The following KCMF1 variants were observed in gnomAD, a reference collection of about 807,000 sequenced individuals.
KCMF1 encodes E3 ubiquitin-protein ligase KCMF1.
Under a neutral mutation model 41.1 loss-of-function variants are expected in KCMF1, and 3 were observed. The ratio of observed to expected loss-of-function variants is 0.07; its 90% CI spans 0.03 to 0.19. KCMF1 has a LOEUF of 0.19. Ranked by LOEUF, KCMF1 falls within the 10% of genes least tolerant of loss-of-function variation. The probability of loss-of-function intolerance (pLI) is 1.00; values close to 1 mark genes in which losing one functional copy is unlikely to be tolerated. For missense variants in KCMF1, 286 were observed against 488.9 expected (o/e 0.58, Z 3.91); for synonymous variants, 142 against 164.5 (o/e 0.86, Z 1.04).
At chr2:85,046,068 G>T (rs1221479097) in intron 4 of KCMF1, 36 bp from the exon 5 acceptor site, 2 of 1,556,796 alleles carry the variant, frequency 1.3e-6, no homozygotes, top group Admixed American at 2.0e-5. Flanking sequence ...TTCTTTCTGT[G>T]AAATACTTTC....
chr2:85,040,859 C>G (rs1226344446), intron 3 of KCMF1, among the ~76,000 whole-genome samples: 1 of 151,626 alleles, frequency 6.6e-6, no homozygotes, highest in Non-Finnish European at 1.5e-5. Flanking sequence ...TTCCCGGGTT[C>G]AAGTGATTCT....
At chr2:85,051,834 A>C (rs1167433675) in intron 6 of KCMF1, among the ~76,000 whole-genome samples, 1 of 152,236 alleles carries the variant, frequency 6.6e-6, no homozygotes, top group African/African-American at 2.4e-5. Context: ...ATATATTAAC[A>C]TGCATTGTGA....
At chr2:85,052,262 G>T (rs909977171) in intron 6 of KCMF1, among the ~76,000 whole-genome samples, 1 of 152,180 alleles carries the variant, frequency 6.6e-6, no homozygotes, top group Middle Eastern at 3.4e-3. Flanking sequence ...GTAGAAATGG[G>T]GTTTCACCAC....
intron 1 of KCMF1, among the ~76,000 whole-genome samples, chr2:84,982,493 C>T (rs1372000369): frequency 7.0e-6 from 1 of 143,060 alleles, no homozygotes; most frequent in Non-Finnish European, 1.5e-5. Flanking sequence ...CCTCCACCTC[C>T]TGGGTTCAAG....
chr2:85,056,056 CAG>C lies in KCMF1; in HGVS notation c.*2649_*2650del, dbSNP rs1490545767. 3 of 151,696 alleles carry C rather than the reference CAG, an allele frequency of 2.0e-5. No individual in the cohort carries two copies. The highest frequency in any genetic ancestry group is 4.8e-5 in the African/African-American group (2 of 41,270). The allele number at this position is 151,696 out of a possible 1,614,324, so 9.4% of individuals were successfully genotyped here. A position where few individuals can be genotyped will look rare whatever the true frequency, so the allele number is the denominator to read the frequency against. ...TCCTTGTATGGCTGCAATCATAAGA[CAG>C]AATTTCTGTGGTTGGCTACCGTGAA... On this transcript the variant is annotated 3_prime_UTR_variant, in exon 7 of 7. Coordinates refer to ENST00000409785, the MANE Select transcript of KCMF1 (RefSeq NM_020122.5).
At chr2:84,971,728 A>G (rs1202725386) in intron 1 of KCMF1, among the ~76,000 whole-genome samples, 9 of 121,592 alleles carry the variant, frequency 7.4e-5, no homozygotes, top group Admixed American at 2.3e-4. Flanking sequence ...CATGGGGCGG[A>G]GGGGGAGGGG....
At position 85,053,542 on chromosome 2, in the gene KCMF1, G is replaced by A. The variant is rs1175818450; in HGVS notation, c.*133G>A. On this transcript the variant is annotated 3_prime_UTR_variant, in exon 7 of 7. Coordinates refer to ENST00000409785, the MANE Select transcript of KCMF1 (RefSeq NM_020122.5). ...TTGTTACATTGTGTACATTCAAAAG[G>A]AAGAGAGAAAATATATATGATAATC... 1.1e-6 allele frequency: 1 copy of A among 935,300 alleles called. No individual in the cohort carries two copies. Among genetic ancestry groups the A allele is most frequent in the African/African-American group, 1.7e-5 (1 of 59,770 alleles). 57.9% of individuals were successfully genotyped at this position (935,300 alleles called of 1,614,324 possible).
intron 1 of KCMF1, among the ~76,000 whole-genome samples, chr2:85,020,709 G>A (rs1674910875): frequency 2.0e-5 from 3 of 152,144 alleles, no homozygotes; most frequent in Admixed American, 2.0e-4. Flanking sequence ...ATTGATTACA[G>A]GCCTGAGCCA....
chr2:84,999,847 A>G (rs1487266603), intron 1 of KCMF1, among the ~76,000 whole-genome samples: 3 of 152,196 alleles, frequency 2.0e-5, no homozygotes, highest in Non-Finnish European at 4.4e-5. Context: ...ATTCCCAGTT[A>G]GAGGCCCTGA....
At chr2:85,037,687 C>G (rs191034167) in intron 3 of KCMF1, among the ~76,000 whole-genome samples, 10 of 152,308 alleles carry the variant, frequency 6.6e-5, no homozygotes, top group Admixed American at 2.0e-4. Context: ...CTTTTCTATT[C>G]CTCTTAACAT....
chr2:85,010,509 T>C (rs1205418388), intron 1 of KCMF1, among the ~76,000 whole-genome samples: 2 of 152,212 alleles, frequency 1.3e-5, no homozygotes, highest in Admixed American at 6.5e-5. Flanking sequence ...CACAAAATTA[T>C]GGCTCAGTCT....
chr2:85,030,467 C>A (rs1675239740), intron 2 of KCMF1, among the ~76,000 whole-genome samples: 1 of 151,872 alleles, frequency 6.6e-6, no homozygotes, highest in South Asian at 2.1e-4. Flanking sequence ...ATAGTTTTAG[C>A]TCTTACATTT....
At chr2:85,021,467 C>G (rs988764896) in intron 1 of KCMF1, among the ~76,000 whole-genome samples, 1 of 152,012 alleles carries the variant, frequency 6.6e-6, no homozygotes, top group Admixed American at 6.6e-5. Context: ...ACTAAAAGTA[C>G]AAAAATTAGC....
chr2:85,014,735 G>A (rs1674728630), intron 1 of KCMF1, among the ~76,000 whole-genome samples: 1 of 151,248 alleles, frequency 6.6e-6, no homozygotes, highest in Non-Finnish European at 1.5e-5. Context: ...GTGTGTGTGT[G>A]TGTGTGTGTG....
chr2:85,033,255 T>C (rs1675321838), intron 2 of KCMF1, among the ~76,000 whole-genome samples: 1 of 152,244 alleles, frequency 6.6e-6, no homozygotes, highest in African/African-American at 2.4e-5. Context: ...TTTTCTTTTC[T>C]CACAAAAGCT....
rs554635109 is a variant in KCMF1 at position 84,982,773 on chromosome 2, T to G, written c.16+11306T>G. ...TGGTGAATGGGAACCCAGGTAGTTTTCATGTTCAAAGATCTTGATGTTCAG... is the reference window on the plus strand; with the variant it reads ...TGGTGAATGGGAACCCAGGTAGTTTGCATGTTCAAAGATCTTGATGTTCAG... On this transcript the variant is annotated intron_variant, in intron 1 of 6. Transcript: ENST00000409785. Among the ~76,000 whole-genome samples the G allele has an allele frequency of 9.8e-5, 15 of 152,318 alleles. No individual in the cohort carries two copies. In the South Asian group the frequency reaches 3.1e-3, roughly 32 times the overall value.
intron 1 of KCMF1, among the ~76,000 whole-genome samples, chr2:85,008,908 T>C (rs1362907057): frequency 6.6e-6 from 1 of 151,954 alleles, no homozygotes; most frequent in Non-Finnish European, 1.5e-5. Context: ...TGGCAGTTTT[T>C]TTGTAGATAG....
intron 1 of KCMF1, among the ~76,000 whole-genome samples, chr2:84,997,771 T>C (rs1191866912): frequency 2.8e-5 from 4 of 141,346 alleles, no homozygotes; most frequent in African/African-American, 1.1e-4. Context: ...TTTCTTTTTT[T>C]TTTTTTTTTT....
Position 85,059,275 on chromosome 2 carries a change from G to A in KCMF1, c.*5866G>A, listed in dbSNP as rs1676009162. On this transcript the variant is annotated 3_prime_UTR_variant, in exon 7 of 7. Coordinates refer to ENST00000409785, the MANE Select transcript of KCMF1 (RefSeq NM_020122.5). ...TGCCCTATCGGATAGCAGCCACCATGTGTGCTGACCACTCACGATTCAGAC... is the reference window on the plus strand; with the variant it reads ...TGCCCTATCGGATAGCAGCCACCATATGTGCTGACCACTCACGATTCAGAC... 5 of 152,188 alleles carry A rather than the reference G, an allele frequency of 3.3e-5. No individual in the cohort carries two copies. Among genetic ancestry groups the A allele is most frequent in the Non-Finnish European group, 5.9e-5 (4 of 68,036 alleles). 9.4% of individuals were successfully genotyped at this position (152,188 alleles called of 1,614,324 possible). A position where few individuals can be genotyped will look rare whatever the true frequency, so the allele number is the denominator to read the frequency against.
Sources: allele counts gnomAD v4.1 joint callset (sites outside exome capture counted in the v4.1 genomes callset), GRCh38; gene constraint gnomAD v4.1.1; transcripts MANE v1.5; gene names NCBI Gene and HGNC (gene_info 2026-07-23, HGNC 2026-07-21).